Variants in TRPC5 observed in about 807,000 individuals in gnomAD.
The protein encoded by TRPC5 is transient receptor potential cation channel subfamily C member 5, also known as short transient receptor potential channel 5.
In TRPC5, 9 loss-of-function variants were observed where a neutral mutation model predicts 56.5. That is an observed-to-expected ratio of 0.16 (90% confidence interval 0.10 to 0.28). TRPC5 has a LOEUF of 0.28. Ranked by LOEUF, TRPC5 falls within the 10% of genes least tolerant of loss-of-function variation. The pLI, the probability that TRPC5 is intolerant of heterozygous loss-of-function variation, is 1.00. For synonymous variants in TRPC5, 282 were observed against 278.5 expected, an observed-to-expected ratio of 1.01 and a Z score of -0.13; for missense variants, 469 against 748.9, an observed-to-expected ratio of 0.63 and a Z score of 4.36.
At chrX:112,010,989 C>G (rs905230337) in intron 1 of TRPC5, among the ~76,000 whole-genome samples, 1 of 111,891 alleles carries the variant, frequency 8.9e-6, no homozygotes, top group East Asian at 2.8e-4. Flanking sequence ...TGAGCAGTGT[C>G]CAGGCTGGAA....
intron 1 of TRPC5, among the ~76,000 whole-genome samples, chrX:111,960,406 T>C (rs896689109): frequency 2.7e-5 from 3 of 112,399 alleles, no homozygotes; most frequent in Non-Finnish European, 3.7e-5. Flanking sequence ...GAAATCAATA[T>C]ATTTTATTTT....
intron 1 of TRPC5, among the ~76,000 whole-genome samples, chrX:112,042,301 A>C (rs957090190): frequency 9.0e-6 from 1 of 111,709 alleles, no homozygotes; most frequent in East Asian, 2.8e-4. Flanking sequence ...CGAGAAAGGA[A>C]GATAAACGAT....
chrX:112,004,661 G>A (rs1238529637), intron 1 of TRPC5, among the ~76,000 whole-genome samples: 1 of 111,419 alleles, frequency 9.0e-6, no homozygotes, highest in East Asian at 2.8e-4. Flanking sequence ...AGCCCTCCAG[G>A]AAATTCTGAG....
chrX:111,934,137 A>G (rs1194699533), intron 2 of TRPC5, among the ~76,000 whole-genome samples: 5 of 108,454 alleles, frequency 4.6e-5, no homozygotes, highest in African/African-American at 1.4e-4. Context: ...ATGCAATCCC[A>G]TTTGTCTTTT....
Position 111,967,242 on chromosome X carries a change from G to C in TRPC5, c.-21-14801C>G, listed in dbSNP as rs1471408545. ...CTCCCATTCACAATTGCTACAAAGA[G>C]AATAAAATACCAAGGAATCCAACTT... On this transcript the variant is annotated intron_variant, in intron 1 of 10. Coordinates refer to ENST00000262839, the MANE Select transcript of TRPC5 (RefSeq NM_012471.3). Among the ~76,000 whole-genome samples, 3 of 111,392 alleles carry C rather than the reference G, an allele frequency of 2.7e-5. No individual in the cohort carries two copies. In the East Asian group the frequency reaches 8.5e-4, roughly 32 times the overall value.
chrX:111,924,021 T>C (rs1401815470), intron 2 of TRPC5, among the ~76,000 whole-genome samples: 1 of 111,641 alleles, frequency 9.0e-6, no homozygotes, highest in African/African-American at 3.3e-5. Context: ...TGTAGATTGC[T>C]GTCCTGGAAA....
Position 111,995,132 on chromosome X carries a change from A to G in TRPC5, c.-21-42691T>C, listed in dbSNP as rs781623604. Among the ~76,000 whole-genome samples the G allele has an allele frequency of 9.8e-5, 11 of 111,856 alleles. 1 individual carries two copies. The South Asian group carries it at 3.4e-3, about 34-fold the overall frequency. On this transcript the variant is annotated intron_variant, in intron 1 of 10. Transcript: ENST00000262839. ...TAAATAGCTCTTATTATTTTGAGAT[A>G]CATTCCATCAATACCCAGTTTATTG... is the stretch of plus-strand genomic sequence containing the variant.
At chrX:112,002,836 G>T (rs1262857651) in intron 1 of TRPC5, among the ~76,000 whole-genome samples, 3 of 112,232 alleles carry the variant, frequency 2.7e-5, no homozygotes, top group Non-Finnish European at 3.8e-5. Flanking sequence ...GAATGTCTAC[G>T]TGTAGAAATT....
At chrX:111,921,540 C>G (rs749517671) in intron 2 of TRPC5, among the ~76,000 whole-genome samples, 1 of 109,894 alleles carries the variant, frequency 9.1e-6, no homozygotes, top group Non-Finnish European at 1.9e-5. Flanking sequence ...TATCAAATTT[C>G]GCCTTCTCTT....
chrX:111,926,319 G>T (rs1926257006), intron 2 of TRPC5, among the ~76,000 whole-genome samples: 1 of 111,459 alleles, frequency 9.0e-6, no homozygotes, highest in African/African-American at 3.3e-5. Context: ...TATTTTTGGT[G>T]GGATGTTGAG....
rs779910448 is a variant in TRPC5, at chrX:111,934,254, G to GT, written c.378+17788dup. On this transcript the variant is annotated intron_variant, in intron 2 of 10. Transcript: ENST00000262839. ...TTTTTGTTTTGTTTTGTTTTGTTCT[G>GT]TTTTTTTTTTTGAGTAATTTTATGG... 6.6e-3 allele frequency among the ~76,000 whole-genome samples: 599 copies of GT among 90,888 alleles called. 1 individual carries two copies. Among genetic ancestry groups the GT allele is most frequent in the Middle Eastern group, 0.012 (2 of 163 alleles). The allele number at this position is 90,888 out of a possible 115,157, so 78.9% of individuals were successfully genotyped here. A position where few individuals can be genotyped will look rare whatever the true frequency, so the allele number is the denominator to read the frequency against.
intron 1 of TRPC5, among the ~76,000 whole-genome samples, chrX:112,013,493 G>C (rs149128339): frequency 1.4e-3 from 152 of 111,482 alleles, no homozygotes; most frequent in African/African-American, 4.8e-3. Context: ...AGAGCCTATA[G>C]AGATCATGTA....
intron 1 of TRPC5, among the ~76,000 whole-genome samples, chrX:112,044,433 C>T (rs989522929): frequency 9.0e-6 from 1 of 111,526 alleles, no homozygotes; most frequent in Non-Finnish European, 1.9e-5. Context: ...CTCTTAACTC[C>T]CCAAACCTCA....
rs1250281353 is a variant in TRPC5, at chrX:111,775,585, C to T, written c.*728G>A. 8.9e-6 allele frequency: 1 copy of T among 111,809 alleles called. No individual in the cohort carries two copies. Among genetic ancestry groups the T allele is most frequent in the African/African-American group, 3.3e-5 (1 of 30,716 alleles). 9.2% of individuals were successfully genotyped at this position (111,809 alleles called of 1,213,427 possible). A position where few individuals can be genotyped will look rare whatever the true frequency, so the allele number is the denominator to read the frequency against. On this transcript the variant is annotated 3_prime_UTR_variant, in exon 11 of 11. Coordinates refer to ENST00000262839, the MANE Select transcript of TRPC5 (RefSeq NM_012471.3). The stretch of plus-strand genomic sequence containing the variant: ...TAGTAAGTTAACTGAAACACACAAA[C>T]AGAAAAATAATTCGCCTAACTTATT...
chrX:111,818,830 C>T (rs1177801333), intron 7 of TRPC5, among the ~76,000 whole-genome samples: 2 of 110,556 alleles, frequency 1.8e-5, no homozygotes, highest in Non-Finnish European at 3.8e-5. Context: ...TCTCGAACTC[C>T]TGACCTCAGG....
intron 6 of TRPC5, among the ~76,000 whole-genome samples, chrX:111,844,917 T>A (rs1388946061): frequency 9.0e-6 from 1 of 110,800 alleles, no homozygotes; most frequent in Non-Finnish European, 1.9e-5. Context: ...TCTCCCTGGC[T>A]GAGTAACGTG....
chrX:111,825,127 T>TTTCCTTCCTTCCTTCCTTCC lies in TRPC5; in HGVS notation c.1896+9774_1896+9793dup, dbSNP rs1161308680. Reference sequence around the variant, plus strand: ...TTTTCTCTTTCTTTCTTTTCTTTCTTTTCCTTCCTTCCTTCCTTCCTTTCT... The same window carrying TTTCCTTCCTTCCTTCCTTCC: ...TTTTCTCTTTCTTTCTTTTCTTTCTTTTCCTTCCTTCCTTCCTTCCTTCCTTCCTTCCTTCCTTCCTTTCT... On this transcript the variant is annotated intron_variant, in intron 7 of 10. Transcript: ENST00000262839. Among the ~76,000 whole-genome samples the TTTCCTTCCTTCCTTCCTTCC allele has an allele frequency of 1.0e-3, 90 of 86,824 alleles. 6 individuals carry two copies. The highest frequency in any genetic ancestry group is 6.5e-3 in the African/African-American group (87 of 13,399). The allele number at this position is 86,824 out of a possible 115,157, so 75.4% of individuals were successfully genotyped here.
chrX:111,955,304 G>GACTA (rs1361314884), intron 1 of TRPC5, among the ~76,000 whole-genome samples: 1 of 111,627 alleles, frequency 9.0e-6, no homozygotes, highest in Admixed American at 9.6e-5. Flanking sequence ...TGCTTTAAGG[G>GACTA]ACTACATTGC....
intron 10 of TRPC5, 86 bp downstream of exon 10, chrX:111,778,899 T>C: frequency 1.6e-6 from 1 of 640,623 alleles, no homozygotes; most frequent in Non-Finnish European, 2.4e-6. Flanking sequence ...GCAGATGAAA[T>C]TCCATCACCA....
Sources: allele counts gnomAD v4.1 joint callset (sites outside exome capture counted in the v4.1 genomes callset), GRCh38; gene constraint gnomAD v4.1.1; transcripts MANE v1.5; gene names NCBI Gene and HGNC (gene_info 2026-07-23, HGNC 2026-07-21).